DPRX: variants seen among roughly 807,000 people sequenced by gnomAD.
The protein encoded by DPRX is divergent paired-related homeobox.
DPRX carries 11 observed loss-of-function variants against 8.4 expected under a neutral mutation model. The observed-to-expected ratio is 1.31, with a 90% confidence interval of 0.82 to 2.17. DPRX has a LOEUF of 2.17. DPRX is among the 30% of genes most tolerant of loss of function. The pLI, the probability that DPRX is intolerant of heterozygous loss-of-function variation, is 0.00. For synonymous variants in DPRX, 72 were observed against 87.0 expected (o/e 0.83, Z 0.96); for missense variants, 211 against 236.7 (o/e 0.89, Z 0.71).
chr19:53,615,941 T>A, the DPRX span, among the ~76,000 whole-genome samples: 1 of 151,854 alleles, frequency 6.6e-6, no homozygotes, highest in African/African-American at 2.4e-5. Flanking sequence ...TTGTCTCCAA[T>A]TTTTTTAAAT....
At chr19:53,634,209 T>C (rs2091103754) in intron 1 of DPRX, among the ~76,000 whole-genome samples, 1 of 152,012 alleles carries the variant, frequency 6.6e-6, no homozygotes, top group East Asian at 2.0e-4. Context: ...GGCGGGTGGA[T>C]CACCTGAGGT....
chr19:53,608,800 G>A, the DPRX span, among the ~76,000 whole-genome samples: 66,570 of 150,870 alleles, frequency 0.44, 15,030 homozygotes, highest in African/African-American at 0.53. Context: ...AAAATACACA[G>A]AAAAATTAGC....
At chr19:53,623,492 G>C in the DPRX span, among the ~76,000 whole-genome samples, 15 of 151,874 alleles carry the variant, frequency 9.9e-5, no homozygotes, top group East Asian at 1.2e-3. Flanking sequence ...TACAAAATTA[G>C]CCTGGCATGG....
chr19:53,603,946 A>G, the DPRX span, among the ~76,000 whole-genome samples: 8 of 151,828 alleles, frequency 5.3e-5, no homozygotes, highest in Non-Finnish European at 1.0e-4. Context: ...AGGTTTCACC[A>G]TGTTGGCCAG....
chr19:53,620,100 C>T, the DPRX span, among the ~76,000 whole-genome samples: 4 of 151,898 alleles, frequency 2.6e-5, no homozygotes, highest in Non-Finnish European at 5.9e-5. Flanking sequence ...GACAGGGTCT[C>T]GCTCTGTCCC....
At chr19:53,602,289 T>TG in the DPRX span, 7 of 352,738 alleles carry the variant, frequency 2.0e-5, no homozygotes, top group Admixed American at 3.6e-5. Context: ...TGTGTGTGTG[T>TG]GTGTGTGTGT....
At chr19:53,605,212 T>C in the DPRX span, among the ~76,000 whole-genome samples, 1 of 152,038 alleles carries the variant, frequency 6.6e-6, no homozygotes, top group African/African-American at 2.4e-5. Flanking sequence ...TGAGATCCTG[T>C]CTCAACAACA....
At chr19:53,605,620 C>T in the DPRX span, among the ~76,000 whole-genome samples, 1 of 151,932 alleles carries the variant, frequency 6.6e-6, no homozygotes, top group African/African-American at 2.4e-5. Context: ...TCAGGCACTG[C>T]ACCCCGCCCC....
At chr19:53,634,817 T>G in intron 2 of DPRX, 132 bp downstream of exon 2, 1 of 1,283,208 alleles carries the variant, frequency 7.8e-7, no homozygotes, top group Non-Finnish European at 1.0e-6. Context: ...CCTACTCACG[T>G]CCCCGTAAAC....
chr19:53,601,863 G>A, the DPRX span: 10 of 369,472 alleles, frequency 2.7e-5, no homozygotes, highest in South Asian at 2.0e-4. Flanking sequence ...GGGGGCTGGA[G>A]GGGGTGTCCA....
rs541192315 is a variant in DPRX at position 53,633,836 on chromosome 19, G to T, written c.29-695G>T. Among the ~76,000 whole-genome samples, 5 of 152,098 alleles carry T rather than the reference G, an allele frequency of 3.3e-5. No homozygotes were observed. The South Asian group carries it at 8.3e-4, about 25-fold the overall frequency. On this transcript the variant is annotated intron_variant, in intron 1 of 2. Coordinates refer to ENST00000376650, the Ensembl canonical transcript of DPRX. The stretch of plus-strand genomic sequence containing the variant: ...TTTTTGTGTTTTTAATAGAGATGGG[G>T]TTTCACCATGCTGGCCAGGCTGGTC...
At chr19:53,608,928 C>CT in the DPRX span, among the ~76,000 whole-genome samples, 1 of 120,788 alleles carries the variant, frequency 8.3e-6, no homozygotes, top group Non-Finnish European at 1.6e-5. Context: ...GCACTCCAGC[C>CT]TGGGCGGACA....
chr19:53,611,311 A>G, the DPRX span, among the ~76,000 whole-genome samples: 1 of 152,106 alleles, frequency 6.6e-6, no homozygotes, highest in Non-Finnish European at 1.5e-5. Flanking sequence ...TGTGTCACTC[A>G]GGCTGGAGTG....
chr19:53,616,557 C>A, the DPRX span, among the ~76,000 whole-genome samples: 134 of 152,152 alleles, frequency 8.8e-4, 1 homozygote, highest in African/African-American at 3.1e-3. Flanking sequence ...GAGTTCGAGA[C>A]CAGCCTAACC....
exon 3 of DPRX, chr19:53,636,858 T>C (rs2091114934): frequency 2.5e-6 from 4 of 1,614,140 alleles, no homozygotes; most frequent in Non-Finnish European, 2.5e-6. Context: ...GGCCACAGAA[T>C]AGTCCATTTT....
upstream of DPRX, among the ~76,000 whole-genome samples, chr19:53,631,743 G>C (rs1403010285): frequency 6.6e-6 from 1 of 152,134 alleles, no homozygotes; most frequent in Non-Finnish European, 1.5e-5. Context: ...CTGGGTGACA[G>C]AGTGGGACTC....
the DPRX span, among the ~76,000 whole-genome samples, chr19:53,617,732 A>G: frequency 3.9e-5 from 6 of 152,188 alleles, no homozygotes; most frequent in Non-Finnish European, 8.8e-5. Context: ...AGCTTGGACT[A>G]GAATTTCTTC....
chr19:53,613,547 C>T, the DPRX span, among the ~76,000 whole-genome samples: 9 of 148,088 alleles, frequency 6.1e-5, no homozygotes, highest in African/African-American at 2.0e-4. Context: ...TTAGTAGAGA[C>T]GGGGGTTTCA....
the DPRX span, chr19:53,617,066 C>G: frequency 6.2e-6 from 8 of 1,290,118 alleles, no homozygotes; most frequent in African/African-American, 4.4e-5. Context: ...TATGGAAGGA[C>G]TTGGATCCAG....
Sources: allele counts gnomAD v4.1 joint callset (sites outside exome capture counted in the v4.1 genomes callset), GRCh38; gene constraint gnomAD v4.1.1; transcripts MANE v1.5; gene names NCBI Gene and HGNC (gene_info 2026-07-23, HGNC 2026-07-21).